COL23A1: variants seen among roughly 807,000 people sequenced by gnomAD.
COL23A1 encodes collagen alpha-1(XXIII) chain.
In COL23A1, 97 loss-of-function variants were observed where a neutral mutation model predicts 99.3. That is an observed-to-expected ratio of 0.98 (90% confidence interval 0.83 to 1.16). COL23A1 has a LOEUF of 1.16. COL23A1 is among the 50% of genes most tolerant of loss of function. The probability of loss-of-function intolerance (pLI) is 0.00; values close to 1 mark genes in which losing one functional copy is unlikely to be tolerated. For synonymous variants in COL23A1, 320 were observed against 308.2 expected, an observed-to-expected ratio of 1.04 and a Z score of -0.40; for missense variants, 762 against 757.4, an observed-to-expected ratio of 1.01 and a Z score of -0.07.
At chr5:178,377,280 T>C (rs1318693845) in intron 2 of COL23A1, among the ~76,000 whole-genome samples, 1 of 152,234 alleles carries the variant, frequency 6.6e-6, no homozygotes, top group East Asian at 1.9e-4. Context: ...CCCCTGAACA[T>C]GCCATGTCTT....
At chr5:178,252,907 G>A (rs1336120873) in intron 16 of COL23A1, among the ~76,000 whole-genome samples, 1 of 152,116 alleles carries the variant, frequency 6.6e-6, no homozygotes, top group Non-Finnish European at 1.5e-5. Context: ...ATCTTGCTTT[G>A]GCTCCCTATT....
At chr5:178,586,221 TTC>T (rs1253184989) in intron 1 of COL23A1, among the ~76,000 whole-genome samples, 2 of 152,260 alleles carry the variant, frequency 1.3e-5, no homozygotes, top group Non-Finnish European at 2.9e-5. Context: ...CACTCAGATA[TTC>T]TGTTACTTCC....
intron 2 of COL23A1, among the ~76,000 whole-genome samples, chr5:178,326,436 G>A (rs1474642435): frequency 2.0e-5 from 3 of 148,630 alleles, no homozygotes; most frequent in South Asian, 2.1e-4. Context: ...AAGACCGAAC[G>A]AGAGTGCTTG....
In COL23A1 at chr5:178,287,955, G is replaced by A. The variant is rs929996966; in HGVS notation, c.441+369C>T. ...CAGTCTCCTGTTATCGAGTGATGAC[G>A]AGGAGCGGTGGCTGGGACAGGGAGT... is the stretch of plus-strand genomic sequence containing the variant. On this transcript the variant is annotated intron_variant, in intron 5 of 28. Coordinates refer to ENST00000390654, the MANE Select transcript of COL23A1 (RefSeq NM_173465.4). Among the ~76,000 whole-genome samples, 4 of 152,230 alleles carry A rather than the reference G, an allele frequency of 2.6e-5. No homozygotes were observed. In the South Asian group the frequency reaches 8.3e-4, roughly 31 times the overall value.
chr5:178,584,681 T>G (rs906634029), intron 1 of COL23A1, among the ~76,000 whole-genome samples: 3 of 152,092 alleles, frequency 2.0e-5, no homozygotes, highest in African/African-American at 7.2e-5. Flanking sequence ...GGAAGGGGAT[T>G]TGGAGGCCAC....
At chr5:178,330,651 C>T (rs1002035242) in intron 2 of COL23A1, among the ~76,000 whole-genome samples, 1 of 120,300 alleles carries the variant, frequency 8.3e-6, no homozygotes, top group African/African-American at 3.1e-5. Flanking sequence ...GAGACCCTCT[C>T]TCAAGAAAAA....
chr5:178,435,843 C>T (rs567796175), intron 2 of COL23A1, among the ~76,000 whole-genome samples: 129 of 152,254 alleles, frequency 8.5e-4, no homozygotes, highest in African/African-American at 2.9e-3. Context: ...TCAGATGACG[C>T]GCAGAATCGT....
chr5:178,405,280 T>A (rs1286274535), intron 2 of COL23A1, among the ~76,000 whole-genome samples: 2 of 152,278 alleles, frequency 1.3e-5, no homozygotes, highest in Non-Finnish European at 2.9e-5. Flanking sequence ...AGTTCTCTTT[T>A]GCTTCAGCTA....
intron 2 of COL23A1, among the ~76,000 whole-genome samples, chr5:178,430,066 C>T (rs1236749031): frequency 2.0e-5 from 3 of 152,150 alleles, no homozygotes; most frequent in Admixed American, 2.0e-4. Context: ...TACTCTGTCC[C>T]CTGAGGTGCA....
At position 178,308,604 on chromosome 5, in the gene COL23A1, G is replaced by A. The variant is rs530985746; in HGVS notation, c.362-1685C>T. ...CACCTCCAGGCCCATGCTCCTGGCC[G>A]AGGCCTGCGACACCCACACTGTCCG... On this transcript the variant is annotated intron_variant, in intron 2 of 28. Transcript: ENST00000390654. This position sits in a 1 kb window ranked among gnomAD's most constrained non-coding sequence, Gnocchi z 5.1. 9.2e-5 allele frequency among the ~76,000 whole-genome samples: 14 copies of A among 152,162 alleles called. No individual in the cohort carries two copies. The highest frequency in any genetic ancestry group is 2.1e-4 in the South Asian group (1 of 4,834).
rs544995963 is a variant in COL23A1 at position 178,428,878 on chromosome 5, G to A, written c.362-121959C>T. Among the ~76,000 whole-genome samples, 3 of 152,298 alleles carry A rather than the reference G, an allele frequency of 2.0e-5. No homozygotes were observed. Among genetic ancestry groups the A allele is most frequent in the East Asian group, 3.9e-4 (2 of 5,172 alleles). Reference sequence around the variant, plus strand: ...GTGGTGCCTCGTGGGGGTGGGGGCAGGGCTGCCTTTGCCTCCCTATTGTTT... The same window carrying A: ...GTGGTGCCTCGTGGGGGTGGGGGCAAGGCTGCCTTTGCCTCCCTATTGTTT... On this transcript the variant is annotated intron_variant, in intron 2 of 28. Coordinates refer to ENST00000390654, the MANE Select transcript of COL23A1 (RefSeq NM_173465.4). This position sits in a 1 kb window ranked among gnomAD's most constrained non-coding sequence, Gnocchi z 5.0.
intron 2 of COL23A1, among the ~76,000 whole-genome samples, chr5:178,456,478 C>T (rs189353662): frequency 1.3e-3 from 197 of 152,290 alleles, no homozygotes; most frequent in African/African-American, 4.5e-3. Context: ...CTGGGCGGAT[C>T]ACCTGAGGTC....
intron 2 of COL23A1, among the ~76,000 whole-genome samples, chr5:178,457,506 C>T (rs766351171): frequency 5.9e-5 from 9 of 152,152 alleles, no homozygotes; most frequent in African/African-American, 1.9e-4. Flanking sequence ...CGAACCACTA[C>T]GCCCGGCCAC....
rs540125397 is a variant in COL23A1, at chr5:178,514,174, C to T, written c.361+46508G>A. Among the ~76,000 whole-genome samples the T allele has an allele frequency of 1.6e-4, 25 of 152,326 alleles. No homozygotes were observed. In the South Asian group the frequency reaches 3.1e-3, roughly 19 times the overall value. On this transcript the variant is annotated intron_variant, in intron 2 of 28. Coordinates refer to ENST00000390654, the MANE Select transcript of COL23A1 (RefSeq NM_173465.4). ...GACTCAGGCTGTATTTGTCCTTCTG[C>T]GTCTGGCTTATTTCACTCAGCATGA...
At chr5:178,247,621 TG>T (rs2127532868) in intron 21 of COL23A1, 69 bp from the exon 22 acceptor site, 3 of 1,596,068 alleles carry the variant, frequency 1.9e-6, no homozygotes, top group Admixed American at 1.7e-5. Flanking sequence ...CACTGGCCCC[TG>T]GGGCCCTGTC....
chr5:178,447,764 A>G (rs1017928855), intron 2 of COL23A1, among the ~76,000 whole-genome samples: 4 of 152,286 alleles, frequency 2.6e-5, no homozygotes, highest in Admixed American at 2.6e-4. Context: ...AGTAAATTAG[A>G]CCGCAAGATG....
chr5:178,247,486 GGTGA>G (rs778449020), intron 22 of COL23A1, 36 bp downstream of exon 22: 1 of 1,611,334 alleles, frequency 6.2e-7, no homozygotes, highest in Admixed American at 1.7e-5. Context: ...CTGCCCAGAC[GGTGA>G]GTCTGAGGCC....
At chr5:178,467,016 T>C (rs545060412) in intron 2 of COL23A1, among the ~76,000 whole-genome samples, 6 of 152,352 alleles carry the variant, frequency 3.9e-5, no homozygotes, top group Admixed American at 2.6e-4. Context: ...ATAAGTGACA[T>C]TATATGTATA....
chr5:178,348,463 T>C (rs921262209), intron 2 of COL23A1, among the ~76,000 whole-genome samples: 3 of 152,132 alleles, frequency 2.0e-5, no homozygotes, highest in African/African-American at 7.2e-5. Context: ...TGCTGCATTC[T>C]GGTCCTTTTC....
Sources: gnomAD v4.1 joint callset for allele counts (sites outside exome capture counted in the v4.1 genomes callset) on GRCh38, gnomAD v4.1.1 for gene constraint, Gnocchi (gnomAD v3.1) non-coding constraint, MANE v1.5 for transcripts, NCBI Gene and HGNC (gene_info 2026-07-23, HGNC 2026-07-21) for gene names.